The following ASXL2 variants were observed in gnomAD, a reference collection of about 807,000 sequenced individuals.
ASXL2 encodes putative Polycomb group protein ASXL2.
ASXL2 carries 23 observed loss-of-function variants against 122.0 expected under a neutral mutation model. The ratio of observed to expected loss-of-function variants is 0.19; its 90% CI spans 0.14 to 0.27. The LOEUF is 0.27. Ranked by LOEUF, ASXL2 falls within the 10% of genes least tolerant of loss-of-function variation. The pLI, the probability that ASXL2 is intolerant of heterozygous loss-of-function variation, is 1.00. For missense variants in ASXL2, 1,518 were observed against 1,713.8 expected, an observed-to-expected ratio of 0.89 and a Z score of 2.02; for synonymous variants, 650 against 637.0, an observed-to-expected ratio of 1.02 and a Z score of -0.31.
chr2:25,758,753 T>C (rs958145319), intron 9 of ASXL2, among the ~76,000 whole-genome samples: 2 of 152,034 alleles, frequency 1.3e-5, no homozygotes, highest in Admixed American at 1.3e-4. Context: ...AATGTTTCTC[T>C]TAGCAAAATG....
chr2:25,787,296 G>C (rs541889941), intron 5 of ASXL2, among the ~76,000 whole-genome samples: 1 of 152,162 alleles, frequency 6.6e-6, no homozygotes, highest in African/African-American at 2.4e-5. Context: ...GCTTGCTTCT[G>C]CTAAAAGCAG....
At chr2:25,803,447 T>C (rs560068055) in intron 4 of ASXL2, among the ~76,000 whole-genome samples, 2 of 152,170 alleles carry the variant, frequency 1.3e-5, no homozygotes, top group Admixed American at 6.5e-5. Flanking sequence ...CTTGCGACAG[T>C]TGGCATCTGA....
chr2:25,783,309 C>A (rs367834601), intron 5 of ASXL2, among the ~76,000 whole-genome samples: 1 of 151,288 alleles, frequency 6.6e-6, no homozygotes, highest in Non-Finnish European at 1.5e-5. Context: ...AGAAAAGTAT[C>A]CCATTTCATC....
chr2:25,865,774 CAAAAAAAAA>C (rs61021417), intron 1 of ASXL2, among the ~76,000 whole-genome samples: 10 of 55,550 alleles, frequency 1.8e-4, no homozygotes, highest in African/African-American at 6.7e-4. Flanking sequence ...GACTCCGTCT[CAAAAAAAAA>C]AAAAAAAAAA....
intron 6 of ASXL2, 75 bp from the exon 7 acceptor site, chr2:25,768,943 A>C: frequency 6.8e-7 from 1 of 1,476,628 alleles, no homozygotes; most frequent in East Asian, 2.4e-5. Flanking sequence ...CTTCTTTTTT[A>C]AATGGCAAGA....
chr2:25,826,964 C>T (rs1224294275), intron 3 of ASXL2, among the ~76,000 whole-genome samples: 1 of 151,294 alleles, frequency 6.6e-6, no homozygotes, highest in Non-Finnish European at 1.5e-5. Flanking sequence ...GTAGCTGAAC[C>T]ACATGTCTGC....
At chr2:25,842,074 T>A (rs747665336) in intron 2 of ASXL2, among the ~76,000 whole-genome samples, 57 of 147,712 alleles carry the variant, frequency 3.9e-4, no homozygotes, top group Non-Finnish European at 7.3e-4. Flanking sequence ...ATCGCGCCAC[T>A]GCACTCCAGC....
chr2:25,777,718 T>C (rs2088571525), intron 5 of ASXL2, among the ~76,000 whole-genome samples: 1 of 152,188 alleles, frequency 6.6e-6, no homozygotes, highest in African/African-American at 2.4e-5. Context: ...AGCAGACAAG[T>C]ATCTTCTATG....
At chr2:25,864,683 C>A (rs1037370791) in intron 1 of ASXL2, among the ~76,000 whole-genome samples, 7 of 151,852 alleles carry the variant, frequency 4.6e-5, no homozygotes, top group African/African-American at 1.7e-4. Context: ...AAAAAAAATT[C>A]TCAGGGGTCA....
intron 1 of ASXL2, among the ~76,000 whole-genome samples, chr2:25,863,328 C>CAAAAAAAAAAAAAAAAAAAAAAA (rs2089861429): frequency 7.0e-6 from 1 of 142,042 alleles, no homozygotes; most frequent in African/African-American, 2.6e-5. Flanking sequence ...GACTCCATCT[C>CAAAAAAAAAAAAAAAAAAAAAAA]CAAAAAAAAA....
chr2:25,851,708 T>C (rs1335510864), intron 1 of ASXL2, among the ~76,000 whole-genome samples: 1 of 152,142 alleles, frequency 6.6e-6, no homozygotes, highest in Non-Finnish European at 1.5e-5. Context: ...CTGGCCAACA[T>C]GACCAAACCC....
intron 12 of ASXL2, among the ~76,000 whole-genome samples, chr2:25,745,305 T>C (rs1434370261): frequency 1.3e-5 from 2 of 149,020 alleles, no homozygotes; most frequent in African/African-American, 5.0e-5. Context: ...CTCAGTCTCC[T>C]GGGTTCAAGT....
intron 5 of ASXL2, among the ~76,000 whole-genome samples, chr2:25,795,659 C>A (rs2088900268): frequency 6.6e-6 from 1 of 152,154 alleles, no homozygotes; most frequent in Non-Finnish European, 1.5e-5. Flanking sequence ...AAACATGAAT[C>A]TTGCTAATTG....
At chr2:25,861,947 C>G (rs1278892494) in intron 1 of ASXL2, among the ~76,000 whole-genome samples, 1 of 152,168 alleles carries the variant, frequency 6.6e-6, no homozygotes, top group Admixed American at 6.5e-5. Context: ...TGGGGAAGAT[C>G]AGATTCCAAA....
intron 8 of ASXL2, among the ~76,000 whole-genome samples, chr2:25,761,033 T>C (rs2088233342): frequency 6.6e-6 from 1 of 152,122 alleles, no homozygotes; most frequent in African/African-American, 2.4e-5. Flanking sequence ...GCCAAACAAT[T>C]TACCCTCAAT....
intron 10 of ASXL2, among the ~76,000 whole-genome samples, chr2:25,755,122 G>A (rs560121166): frequency 1.3e-5 from 2 of 152,200 alleles, no homozygotes; most frequent in African/African-American, 4.8e-5. Context: ...CTTTTCAAGT[G>A]CTATTTTTTA....
chr2:25,825,430 A>G (rs1221565811), intron 3 of ASXL2, among the ~76,000 whole-genome samples: 8 of 152,208 alleles, frequency 5.3e-5, no homozygotes, highest in Non-Finnish European at 8.8e-5. Flanking sequence ...CTCTACACCC[A>G]CTAAACAGCA....
intron 1 of ASXL2, among the ~76,000 whole-genome samples, chr2:25,861,120 A>G (rs1334306703): frequency 6.6e-6 from 1 of 152,190 alleles, no homozygotes; most frequent in Non-Finnish European, 1.5e-5. Context: ...AACAAAAATT[A>G]TAACAGAAAA....
chr2:25,861,596 A>G (rs1234254819), intron 1 of ASXL2, among the ~76,000 whole-genome samples: 1 of 152,222 alleles, frequency 6.6e-6, no homozygotes, highest in Non-Finnish European at 1.5e-5. Flanking sequence ...AAGGAATACA[A>G]AATGTCCCCA....
Sources: gnomAD v4.1 joint callset for allele counts (sites outside exome capture counted in the v4.1 genomes callset) on GRCh38, gnomAD v4.1.1 for gene constraint, MANE v1.5 for transcripts, NCBI Gene and HGNC (gene_info 2026-07-23, HGNC 2026-07-21) for gene names.